EBF2: variants seen among roughly 807,000 people sequenced by gnomAD.
EBF2 encodes the protein transcription factor COE2.
In EBF2, 21 loss-of-function variants were observed where a neutral mutation model predicts 72.8. The ratio of observed to expected loss-of-function variants is 0.29; its 90% CI spans 0.20 to 0.42. The LOEUF (loss-of-function observed/expected upper bound fraction) is 0.42. Among genes scored for constraint, EBF2 ranks in the 10% least tolerant of loss-of-function variants. The probability of loss-of-function intolerance (pLI) is 1.00; values close to 1 mark genes in which losing one functional copy is unlikely to be tolerated. For synonymous variants in EBF2, 299 were observed against 274.2 expected, an observed-to-expected ratio of 1.09 and a Z score of -0.89; for missense variants, 637 against 731.2, an observed-to-expected ratio of 0.87 and a Z score of 1.49.
At chr8:25,934,643 C>T (rs990856250) in intron 6 of EBF2, among the ~76,000 whole-genome samples, 3 of 152,270 alleles carry the variant, frequency 2.0e-5, no homozygotes, top group Admixed American at 6.5e-5. Context: ...TCTGCATGCT[C>T]AACCAAAGTG....
chr8:25,864,568 ATTAT>A (rs2117265913), intron 10 of EBF2, among the ~76,000 whole-genome samples: 1 of 152,176 alleles, frequency 6.6e-6, no homozygotes, highest in East Asian at 1.9e-4. Context: ...ATGAATGTTT[ATTAT>A]TTAACTTATC....
At chr8:26,043,821 C>A (rs1805652262) in intron 1 of EBF2, among the ~76,000 whole-genome samples, 1 of 152,092 alleles carries the variant, frequency 6.6e-6, no homozygotes, top group Admixed American at 6.5e-5. Flanking sequence ...GCCTCTCTCG[C>A]AGACAAGGAC....
At chr8:25,863,048 C>A (rs758528516) in intron 10 of EBF2, among the ~76,000 whole-genome samples, 28 of 143,624 alleles carry the variant, frequency 1.9e-4, no homozygotes, top group Non-Finnish European at 4.0e-4. Context: ...ACATAAACTT[C>A]TCTGCTATCA....
chr8:25,917,054 AG>A (rs1381887397), intron 6 of EBF2, among the ~76,000 whole-genome samples: 1 of 152,142 alleles, frequency 6.6e-6, no homozygotes, highest in Non-Finnish European at 1.5e-5. Flanking sequence ...CCATAGCCCA[AG>A]TGGCAAGCAG....
chr8:25,967,775 G>A (rs1334165846), intron 6 of EBF2, among the ~76,000 whole-genome samples: 1 of 152,176 alleles, frequency 6.6e-6, no homozygotes. Context: ...GTGATGCCTA[G>A]GTTTGAGTTT....
At chr8:25,991,794 C>T (rs774833884) in intron 6 of EBF2, among the ~76,000 whole-genome samples, 2 of 151,860 alleles carry the variant, frequency 1.3e-5, no homozygotes, top group African/African-American at 2.4e-5. Context: ...TGTAGTGAGC[C>T]GAGATCGCAC....
chr8:26,040,813 C>G, intron 3 of EBF2, 126 bp downstream of exon 3: 1 of 1,493,058 alleles, frequency 6.7e-7, no homozygotes, highest in Non-Finnish European at 9.1e-7. Flanking sequence ...AATCCCCTGT[C>G]CCAGGCAAGC....
At chr8:25,859,269 G>C (rs1802162264) in intron 13 of EBF2, among the ~76,000 whole-genome samples, 1 of 152,232 alleles carries the variant, frequency 6.6e-6, no homozygotes, top group African/African-American at 2.4e-5. Context: ...TGCTAGCCTA[G>C]TGTTTGCCAA....
chr8:25,936,841 TATC>T (rs1803587402), intron 6 of EBF2, among the ~76,000 whole-genome samples: 1 of 152,214 alleles, frequency 6.6e-6, no homozygotes, highest in Non-Finnish European at 1.5e-5. Context: ...TTACTAAAAG[TATC>T]ATCTTCATCT....
intron 6 of EBF2, among the ~76,000 whole-genome samples, chr8:25,913,883 A>G (rs1008316242): frequency 6.6e-6 from 1 of 152,236 alleles, no homozygotes; most frequent in African/African-American, 2.4e-5. Context: ...TTTTAGCCCA[A>G]TAAATTAAAA....
intron 6 of EBF2, among the ~76,000 whole-genome samples, chr8:26,024,417 T>C (rs1585231915): frequency 6.6e-6 from 1 of 152,316 alleles, no homozygotes; most frequent in Non-Finnish European, 1.5e-5. Flanking sequence ...GTTTACTCAA[T>C]CTTATTATCC....
At chr8:25,984,549 G>C (rs529543834) in intron 6 of EBF2, among the ~76,000 whole-genome samples, 2 of 152,286 alleles carry the variant, frequency 1.3e-5, no homozygotes, top group African/African-American at 4.8e-5. Flanking sequence ...AGGCCTGGTG[G>C]CGCACGCCTG....
chr8:25,932,575 G>A (rs180826284), intron 6 of EBF2, among the ~76,000 whole-genome samples: 36 of 152,250 alleles, frequency 2.4e-4, no homozygotes, highest in Non-Finnish European at 4.7e-4. Flanking sequence ...TTAAAACTGT[G>A]CCAGCACATG....
At chr8:25,899,600 C>T (rs1802916637) in intron 7 of EBF2, among the ~76,000 whole-genome samples, 1 of 152,104 alleles carries the variant, frequency 6.6e-6, no homozygotes, top group Admixed American at 6.5e-5. Context: ...GATGGTGGTG[C>T]CATTAAAAAG....
At chr8:25,845,938 C>G (rs1040450879) in intron 15 of EBF2, among the ~76,000 whole-genome samples, 1 of 152,112 alleles carries the variant, frequency 6.6e-6, no homozygotes, top group Non-Finnish European at 1.5e-5. Flanking sequence ...TTTTCTCAAC[C>G]CTTCCATCTC....
At chr8:26,015,796 G>T (rs1013788071) in intron 6 of EBF2, among the ~76,000 whole-genome samples, 1 of 152,142 alleles carries the variant, frequency 6.6e-6, no homozygotes, top group East Asian at 1.9e-4. Flanking sequence ...ATGTGGCAAA[G>T]CCTAGGCCAA....
In EBF2 at chr8:25,854,297, G is replaced by T. The variant is rs528629500; in HGVS notation, c.1529-3536C>A. 8.6e-5 allele frequency among the ~76,000 whole-genome samples: 13 copies of T among 150,712 alleles called. No individual in the cohort carries two copies. In the South Asian group the frequency reaches 1.7e-3, roughly 20 times the overall value. ...CTCACATTCCTGGGAAACACTTGGT[G>T]ATTGTAGTCAACTTTTGAAAGCAAA... On this transcript the variant is annotated intron_variant, in intron 14 of 15. Coordinates refer to ENST00000520164, the MANE Select transcript of EBF2 (RefSeq NM_022659.4).
At chr8:26,033,552 A>G (rs1805444095) in intron 5 of EBF2, among the ~76,000 whole-genome samples, 1 of 152,156 alleles carries the variant, frequency 6.6e-6, no homozygotes, top group Admixed American at 6.5e-5. Context: ...ACCTTCGTGA[A>G]TCTGTCTTGG....
intron 6 of EBF2, among the ~76,000 whole-genome samples, chr8:25,925,297 C>A (rs71517862): frequency 0.035 from 5,348 of 151,882 alleles, 144 homozygotes; most frequent in Middle Eastern, 0.075. Context: ...CTTCAGAAAA[C>A]CCGGGGTGCA....
Sources: allele counts gnomAD v4.1 joint callset (sites outside exome capture counted in the v4.1 genomes callset), GRCh38; gene constraint gnomAD v4.1.1; transcripts MANE v1.5; gene names NCBI Gene and HGNC (gene_info 2026-07-23, HGNC 2026-07-21).